The following LRRC4C variants were observed in gnomAD, a reference collection of about 807,000 sequenced individuals.
LRRC4C encodes the protein leucine rich repeat containing 4C, also known as leucine-rich repeat-containing protein 4C.
LRRC4C carries 5 observed loss-of-function variants against 33.6 expected under a neutral mutation model. The ratio of observed to expected loss-of-function variants is 0.15; its 90% confidence interval spans 0.08 to 0.31. The LOEUF (loss-of-function observed/expected upper bound fraction) is 0.31, where lower values mean the gene tolerates loss of function less well. LRRC4C is among the 10% of genes least tolerant of loss of function. LRRC4C has a pLI of 1.00. For missense variants in LRRC4C, 560 were observed against 796.7 expected, an observed-to-expected ratio of 0.70 and a Z score of 3.58; for synonymous variants, 329 against 302.0, an observed-to-expected ratio of 1.09 and a Z score of -0.93.
At chr11:40,299,007 C>A (rs1381313460) in intron 4 of LRRC4C, among the ~76,000 whole-genome samples, 2 of 152,106 alleles carry the variant, frequency 1.3e-5, no homozygotes, top group Non-Finnish European at 2.9e-5. Flanking sequence ...GGATGCAGAG[C>A]CAGACCATAT....
intron 3 of LRRC4C, among the ~76,000 whole-genome samples, chr11:40,630,324 TTCTTCC>T (rs1161719203): frequency 6.5e-5 from 9 of 137,604 alleles, no homozygotes; most frequent in African/African-American, 2.7e-5. Flanking sequence ...GTTTTCTTTC[TTCTTCC>T]TCTTCTTCTT....
At chr11:40,954,899 C>T (rs1958890967) in intron 1 of LRRC4C, among the ~76,000 whole-genome samples, 2 of 151,788 alleles carry the variant, frequency 1.3e-5, no homozygotes, top group Admixed American at 1.3e-4. Context: ...GGTTTGTACA[C>T]ATTTCCTCAT....
At chr11:40,211,047 G>A (rs928047433) in intron 5 of LRRC4C, among the ~76,000 whole-genome samples, 1 of 152,100 alleles carries the variant, frequency 6.6e-6, no homozygotes, top group Non-Finnish European at 1.5e-5. Context: ...AAAGTGCTAG[G>A]ATCACAGGCC....
chr11:40,657,333 A>T (rs1943174251), intron 2 of LRRC4C, among the ~76,000 whole-genome samples: 1 of 152,178 alleles, frequency 6.6e-6, no homozygotes, highest in African/African-American at 2.4e-5. Context: ...AGTAGCTCCA[A>T]ATATTTAAAT....
At chr11:40,291,199 C>T (rs1944169472) in intron 4 of LRRC4C, among the ~76,000 whole-genome samples, 1 of 152,154 alleles carries the variant, frequency 6.6e-6, no homozygotes, top group African/African-American at 2.4e-5. Flanking sequence ...AAAAGGCCAG[C>T]TCCATGACTT....
chr11:40,557,031 CA>C (rs577330281), intron 3 of LRRC4C, among the ~76,000 whole-genome samples: 5 of 151,354 alleles, frequency 3.3e-5, no homozygotes, highest in East Asian at 1.9e-4. Flanking sequence ...CAAGACCAAT[CA>C]AAAAAAAGTC....
At chr11:41,283,430 C>A (rs901630906) in intron 1 of LRRC4C, among the ~76,000 whole-genome samples, 2 of 152,076 alleles carry the variant, frequency 1.3e-5, no homozygotes, top group Non-Finnish European at 2.9e-5. Context: ...AGGAACCACA[C>A]GCTATTATTG....
chr11:40,858,668 T>G (rs1481940993), intron 2 of LRRC4C, among the ~76,000 whole-genome samples: 1 of 130,804 alleles, frequency 7.6e-6, no homozygotes, highest in Non-Finnish European at 1.5e-5. Flanking sequence ...CACTCCAGCC[T>G]GGTAACAGAG....
intron 1 of LRRC4C, among the ~76,000 whole-genome samples, chr11:41,350,466 C>T (rs767032447): frequency 3.5e-5 from 5 of 144,490 alleles, no homozygotes; most frequent in African/African-American, 7.7e-5. Flanking sequence ...GTCAAGATTG[C>T]GCCACTGCAC....
chr11:40,945,968 C>A lies in LRRC4C; in HGVS notation c.-495-12245G>T, dbSNP rs546227926. Among the ~76,000 whole-genome samples the A allele has an allele frequency of 1.3e-4, 20 of 152,250 alleles. No individual in the cohort carries two copies. The East Asian group carries it at 3.9e-3, about 29-fold the overall frequency. ...TTTTATTTTAGATTTGGTGGGTCCA[C>A]GTGCAGGTTTGTTATATTTGTATAT... On this transcript the variant is annotated intron_variant, in intron 1 of 6. Coordinates refer to ENST00000528697, the MANE Select transcript of LRRC4C (RefSeq NM_001258419.2).
intron 1 of LRRC4C, among the ~76,000 whole-genome samples, chr11:41,267,253 G>A (rs1446323214): frequency 6.6e-6 from 1 of 152,056 alleles, no homozygotes; most frequent in Non-Finnish European, 1.5e-5. Context: ...AAACAGATCT[G>A]CTTCTAGAAG....
intron 4 of LRRC4C, among the ~76,000 whole-genome samples, chr11:40,291,046 T>C (rs1215287633): frequency 6.6e-6 from 1 of 152,134 alleles, no homozygotes; most frequent in Non-Finnish European, 1.5e-5. Context: ...GAAAGAGTTA[T>C]AGCTTCTCTA....
At chr11:41,366,232 AG>A (rs769804705) in intron 1 of LRRC4C, among the ~76,000 whole-genome samples, 331 of 146,486 alleles carry the variant, frequency 2.3e-3, no homozygotes, top group Non-Finnish European at 3.7e-3. Flanking sequence ...ATAGATAGAT[AG>A]ATAGATAGAT....
At position 40,802,118 on chromosome 11, in the gene LRRC4C, G is replaced by A. The variant is rs79394900; in HGVS notation, c.-407+131517C>T. On this transcript the variant is annotated intron_variant, in intron 2 of 6. Coordinates refer to ENST00000528697, the MANE Select transcript of LRRC4C (RefSeq NM_001258419.2). ...ATCTTCTTCTGTCCTTCCCTAGTGAGAATTCCAGCTACATTCCATTGTCAG... is the reference window on the plus strand; with the variant it reads ...ATCTTCTTCTGTCCTTCCCTAGTGAAAATTCCAGCTACATTCCATTGTCAG... Among the ~76,000 whole-genome samples the A allele has an allele frequency of 2.7e-3, 417 of 152,276 alleles. 4 individuals carry two copies. The highest frequency in any genetic ancestry group is 9.6e-3 in the African/African-American group (398 of 41,552).
At chr11:41,279,975 A>C (rs1376697003) in intron 1 of LRRC4C, among the ~76,000 whole-genome samples, 2 of 152,030 alleles carry the variant, frequency 1.3e-5, no homozygotes, top group Non-Finnish European at 2.9e-5. Flanking sequence ...CTCTCAGTTC[A>C]AGGTTGGTTC....
intron 1 of LRRC4C, among the ~76,000 whole-genome samples, chr11:41,097,692 C>T (rs1012428118): frequency 2.6e-5 from 4 of 152,174 alleles, no homozygotes; most frequent in Non-Finnish European, 5.9e-5. Context: ...GTGTTTACTT[C>T]TCAAACATCA....
chr11:41,447,097 C>G (rs1404946537), intron 1 of LRRC4C, among the ~76,000 whole-genome samples: 6 of 152,162 alleles, frequency 3.9e-5, no homozygotes, highest in Non-Finnish European at 5.9e-5. Context: ...ATAAAGCATG[C>G]TATGAATGTG....
In LRRC4C at chr11:40,423,247, T is replaced by C. The variant is rs139604371; in HGVS notation, c.-269-103526A>G. Among the ~76,000 whole-genome samples, 19 of 152,100 alleles carry C rather than the reference T, an allele frequency of 1.2e-4. No individual in the cohort carries two copies. The East Asian group carries it at 3.3e-3, about 26-fold the overall frequency. The stretch of plus-strand genomic sequence containing the variant: ...AAATGTGCATCATGTCTGTAGTCAT[T>C]ACACTGCGAATAGCACATAGAATTG... On this transcript the variant is annotated intron_variant, in intron 3 of 6. Transcript: ENST00000528697.
intron 2 of LRRC4C, among the ~76,000 whole-genome samples, chr11:40,662,460 A>T (rs1214557881): frequency 6.6e-6 from 1 of 152,146 alleles, no homozygotes; most frequent in East Asian, 1.9e-4. Context: ...GCAGACCCTT[A>T]AAAAAGAGTT....
Sources: allele counts gnomAD v4.1 joint callset (sites outside exome capture counted in the v4.1 genomes callset), GRCh38; gene constraint gnomAD v4.1.1; transcripts MANE v1.5; gene names NCBI Gene and HGNC (gene_info 2026-07-23, HGNC 2026-07-21).